KHDRBS2: variants seen among roughly 807,000 people sequenced by gnomAD.
The protein encoded by KHDRBS2 is KH RNA binding domain containing, signal transduction associated 2, also known as KH domain-containing, RNA-binding, signal transduction-associated protein 2.
Under a neutral mutation model 44.3 loss-of-function variants are expected in KHDRBS2, and 26 were observed. That is an observed-to-expected ratio of 0.59 (90% CI 0.43 to 0.81). The LOEUF (loss-of-function observed/expected upper bound fraction) is 0.81. Ranked by LOEUF, KHDRBS2 falls within the 40% of genes least tolerant of loss-of-function variation. The pLI, the probability that KHDRBS2 is intolerant of heterozygous loss-of-function variation, is 0.00. For missense variants in KHDRBS2, 476 were observed against 433.1 expected (o/e 1.10, Z -0.88); for synonymous variants, 194 against 151.1 (o/e 1.28, Z -2.08).
chr6:62,239,517 G>A (rs967221599), intron 1 of KHDRBS2, among the ~76,000 whole-genome samples: 2 of 152,022 alleles, frequency 1.3e-5, no homozygotes, highest in Non-Finnish European at 2.9e-5. Context: ...ACGTTGCCGT[G>A]AGCCAAGATC....
At chr6:61,952,192 A>C (rs566827537) in intron 4 of KHDRBS2, among the ~76,000 whole-genome samples, 3 of 152,208 alleles carry the variant, frequency 2.0e-5, no homozygotes, top group African/African-American at 7.2e-5. Context: ...AAATTATATA[A>C]AACTAATTGT....
the KHDRBS2 span, among the ~76,000 whole-genome samples, chr6:61,572,456 G>T: frequency 6.6e-6 from 1 of 151,950 alleles, no homozygotes; most frequent in Non-Finnish European, 1.5e-5. Context: ...AATCTCCCCT[G>T]AATAATTCTA....
chr6:61,545,015 G>A, the KHDRBS2 span, among the ~76,000 whole-genome samples: 40 of 151,874 alleles, frequency 2.6e-4, no homozygotes, highest in South Asian at 8.3e-4. Flanking sequence ...CACCAACATG[G>A]CACATGTATA....
chr6:61,582,807 C>G, the KHDRBS2 span, among the ~76,000 whole-genome samples: 2 of 151,484 alleles, frequency 1.3e-5, no homozygotes, highest in Non-Finnish European at 3.0e-5. Flanking sequence ...TTCTCTAGAC[C>G]TCATTTTACA....
chr6:61,586,203 C>A, the KHDRBS2 span, among the ~76,000 whole-genome samples: 23 of 152,216 alleles, frequency 1.5e-4, no homozygotes, highest in African/African-American at 5.5e-4. Context: ...TAAAAAAGAT[C>A]CTGCTGATAT....
chr6:61,811,114 C>T (rs1040218953), intron 6 of KHDRBS2, among the ~76,000 whole-genome samples: 4 of 152,070 alleles, frequency 2.6e-5, no homozygotes, highest in African/African-American at 7.2e-5. Flanking sequence ...CCCCCTCCTT[C>T]CCTTTTTTGG....
intron 4 of KHDRBS2, among the ~76,000 whole-genome samples, chr6:61,916,349 G>A (rs1806995472): frequency 6.6e-6 from 1 of 152,048 alleles, no homozygotes; most frequent in African/African-American, 2.4e-5. Flanking sequence ...GGAGTTTTGG[G>A]ACTCCACCCA....
At chr6:61,773,082 A>G (rs1321545673) in intron 6 of KHDRBS2, among the ~76,000 whole-genome samples, 1 of 152,164 alleles carries the variant, frequency 6.6e-6, no homozygotes, top group Non-Finnish European at 1.5e-5. Flanking sequence ...GCTATTGTGA[A>G]TAGTGCCACA....
At chr6:61,980,899 CT>C (rs1773704205) in intron 3 of KHDRBS2, among the ~76,000 whole-genome samples, 1 of 152,172 alleles carries the variant, frequency 6.6e-6, no homozygotes, top group Admixed American at 6.6e-5. Context: ...TACAGTTCAC[CT>C]TTTGACATAA....
chr6:61,771,761 AACATTAGAC>A (rs1381265783), intron 6 of KHDRBS2, among the ~76,000 whole-genome samples: 2 of 152,192 alleles, frequency 1.3e-5, no homozygotes. Context: ...CCCCACTGTC[AACATTAGAC>A]AGATCAACGG....
At chr6:61,710,291 T>A (rs1212074915) in intron 7 of KHDRBS2, among the ~76,000 whole-genome samples, 1 of 151,770 alleles carries the variant, frequency 6.6e-6, no homozygotes, top group Non-Finnish European at 1.5e-5. Flanking sequence ...AAAGCCTGCT[T>A]ACTACAAAAC....
intron 6 of KHDRBS2, among the ~76,000 whole-genome samples, chr6:61,733,711 A>G (rs1774867237): frequency 6.6e-6 from 1 of 152,214 alleles, no homozygotes; most frequent in Non-Finnish European, 1.5e-5. Context: ...TAACAAAGCT[A>G]ATGCAGATTT....
At chr6:62,266,171 A>G (rs1261896652) in intron 1 of KHDRBS2, among the ~76,000 whole-genome samples, 1 of 152,068 alleles carries the variant, frequency 6.6e-6, no homozygotes, top group African/African-American at 2.4e-5. Flanking sequence ...TGTATTACAC[A>G]GCCAAAAGGG....
chr6:61,878,767 A>G (rs1799803226), intron 6 of KHDRBS2, among the ~76,000 whole-genome samples: 1 of 152,002 alleles, frequency 6.6e-6, no homozygotes. Context: ...TTTTCGAATC[A>G]AACCTATGAC....
chr6:61,960,655 A>C (rs1174895543), intron 4 of KHDRBS2, among the ~76,000 whole-genome samples: 1 of 152,174 alleles, frequency 6.6e-6, no homozygotes, highest in Non-Finnish European at 1.5e-5. Flanking sequence ...CTCCATTAAC[A>C]AAACTCGAAA....
intron 4 of KHDRBS2, among the ~76,000 whole-genome samples, chr6:61,907,817 A>G (rs1445273045): frequency 6.6e-6 from 1 of 152,174 alleles, no homozygotes; most frequent in Non-Finnish European, 1.5e-5. Context: ...ATCTTCATTC[A>G]TTAGTACAGG....
intron 1 of KHDRBS2, among the ~76,000 whole-genome samples, chr6:62,211,077 T>C (rs751434949): frequency 2.7e-4 from 41 of 152,090 alleles, no homozygotes; most frequent in Non-Finnish European, 4.7e-4. Context: ...TGCCTTATAG[T>C]GGGATACAAT....
At chr6:61,809,247 T>A (rs1473978250) in intron 6 of KHDRBS2, among the ~76,000 whole-genome samples, 3 of 152,108 alleles carry the variant, frequency 2.0e-5, no homozygotes, top group Non-Finnish European at 4.4e-5. Context: ...TAGAACAAAT[T>A]GTCAGACCAG....
chr6:61,721,210 T>C (rs1328421523), intron 7 of KHDRBS2, among the ~76,000 whole-genome samples: 2 of 152,096 alleles, frequency 1.3e-5, no homozygotes, highest in African/African-American at 2.4e-5. Flanking sequence ...AGTCAGGTAG[T>C]GTGATGCCTC....
Sources: gnomAD v4.1 joint callset for allele counts (sites outside exome capture counted in the v4.1 genomes callset) on GRCh38, gnomAD v4.1.1 for gene constraint, MANE v1.5 for transcripts, NCBI Gene and HGNC (gene_info 2026-07-23, HGNC 2026-07-21) for gene names.